Variants in SMIM45 observed in about 807,000 individuals in gnomAD.
The protein encoded by SMIM45 is long intergenic non-protein coding RNA 634.
the SMIM45 span, chr22:41,958,752 G>T: frequency 5.4e-6 from 1 of 185,366 alleles, no homozygotes; most frequent in African/African-American, 2.3e-5. Flanking sequence ...CACTTCTGGG[G>T]CCAAACCCAG....
chr22:41,950,875 C>G, the SMIM45 span, among the ~76,000 whole-genome samples: 2 of 152,194 alleles, frequency 1.3e-5, no homozygotes, highest in African/African-American at 4.8e-5. Flanking sequence ...ACCTGTAGTC[C>G]CAGCTCCTCG....
the SMIM45 span, chr22:41,947,280 G>T: frequency 3.4e-6 from 2 of 593,526 alleles, no homozygotes; most frequent in Non-Finnish European, 6.0e-6. Context: ...ACACGTGGTG[G>T]ACAGGCCTTT....
the SMIM45 span, chr22:41,958,206 T>C: frequency 7.0e-6 from 3 of 428,412 alleles, no homozygotes; most frequent in African/African-American, 2.0e-5. Flanking sequence ...TGCCCTCCAC[T>C]GGACTCAGGC....
the SMIM45 span, among the ~76,000 whole-genome samples, chr22:41,954,379 G>A: frequency 1.1e-3 from 172 of 151,836 alleles, no homozygotes; most frequent in African/African-American, 4.0e-3. Context: ...GCTAATTTTT[G>A]TACTTTTAGA....
the SMIM45 span, among the ~76,000 whole-genome samples, chr22:41,954,086 A>G: frequency 0.025 from 3,829 of 152,004 alleles, 80 homozygotes; most frequent in Non-Finnish European, 0.042. Flanking sequence ...ATTCAGAACC[A>G]GTGCCTGGCA....
At chr22:41,952,704 G>A in the SMIM45 span, among the ~76,000 whole-genome samples, 5 of 152,190 alleles carry the variant, frequency 3.3e-5, no homozygotes, top group East Asian at 1.9e-4. Flanking sequence ...AAGAGACCAC[G>A]GGGTCCTCAG....
At chr22:41,954,202 AT>A in the SMIM45 span, among the ~76,000 whole-genome samples, 21,829 of 104,278 alleles carry the variant, frequency 0.21, 1,345 homozygotes, top group East Asian at 0.42. Flanking sequence ...GGTACTTTGA[AT>A]TTTTTTTTTT....
chr22:41,949,013 TGAG>T, the SMIM45 span, among the ~76,000 whole-genome samples: 1 of 152,052 alleles, frequency 6.6e-6, no homozygotes. Context: ...TGCAGTGAGC[TGAG>T]ATTATGCCAG....
the SMIM45 span, among the ~76,000 whole-genome samples, chr22:41,957,359 A>G: frequency 2.2e-5 from 2 of 89,214 alleles, no homozygotes; most frequent in African/African-American, 6.4e-5. Flanking sequence ...ACGCCCGGCT[A>G]ATTTTTTTTT....
chr22:41,953,687 A>G, the SMIM45 span, among the ~76,000 whole-genome samples: 7 of 150,230 alleles, frequency 4.7e-5, no homozygotes, highest in East Asian at 1.2e-3. Flanking sequence ...GGTGGGTTCA[A>G]TAGGCCCTGC....
chr22:41,957,280 G>A, the SMIM45 span, among the ~76,000 whole-genome samples: 1 of 141,174 alleles, frequency 7.1e-6, no homozygotes, highest in African/African-American at 2.7e-5. Context: ...TGCAAGCTCT[G>A]CTTCCCAGGT....
chr22:41,955,290 C>G, the SMIM45 span, among the ~76,000 whole-genome samples: 2,547 of 152,012 alleles, frequency 0.017, 79 homozygotes, highest in African/African-American at 0.057. Flanking sequence ...AGCAACTCTC[C>G]TGCCTCAGCC....
chr22:41,950,978 C>T, the SMIM45 span, among the ~76,000 whole-genome samples: 1 of 152,212 alleles, frequency 6.6e-6, no homozygotes, highest in African/African-American at 2.4e-5. Flanking sequence ...GCGAACACAG[C>T]GAGACTCCGT....
At chr22:41,951,306 A>G in the SMIM45 span, among the ~76,000 whole-genome samples, 2 of 152,176 alleles carry the variant, frequency 1.3e-5, no homozygotes, top group African/African-American at 4.8e-5. Context: ...GGGGAGGGGG[A>G]GGATCCATGC....
chr22:41,954,006 T>G, the SMIM45 span, among the ~76,000 whole-genome samples: 1 of 140,482 alleles, frequency 7.1e-6, no homozygotes, highest in Admixed American at 7.0e-5. Flanking sequence ...AAAAAAAAAA[T>G]AGAGAATGGT....
chr22:41,950,991 C>CA, the SMIM45 span, among the ~76,000 whole-genome samples: 10 of 151,948 alleles, frequency 6.6e-5, no homozygotes, highest in Non-Finnish European at 1.0e-4. Flanking sequence ...GACTCCGTCT[C>CA]AAAAAAAACA....
At chr22:41,947,692 G>A in the SMIM45 span, among the ~76,000 whole-genome samples, 1 of 140,478 alleles carries the variant, frequency 7.1e-6, no homozygotes, top group Non-Finnish European at 1.5e-5. Context: ...TTTTTTTGGA[G>A]CGTCACTTTG....
chr22:41,949,388 T>G, the SMIM45 span, among the ~76,000 whole-genome samples: 2 of 152,148 alleles, frequency 1.3e-5, no homozygotes, highest in South Asian at 4.1e-4. Context: ...TTAAGTATGA[T>G]GAAGAAGAGG....
chr22:41,948,822 G>A, the SMIM45 span, among the ~76,000 whole-genome samples: 1 of 152,186 alleles, frequency 6.6e-6, no homozygotes, highest in Non-Finnish European at 1.5e-5. Context: ...CAGCATTTTG[G>A]GAGGCCGAGG....
Sources: allele counts gnomAD v4.1 joint callset (sites outside exome capture counted in the v4.1 genomes callset), GRCh38; gene constraint gnomAD v4.1.1; transcripts MANE v1.5; gene names NCBI Gene and HGNC (gene_info 2026-07-23, HGNC 2026-07-21).